Variants in COL4A6 observed in about 807,000 individuals in gnomAD.
COL4A6 encodes collagen alpha-6(IV) chain.
Under a neutral mutation model 126.7 loss-of-function variants are expected in COL4A6, and 59 were observed. The ratio of observed to expected loss-of-function variants is 0.47; its 90% CI spans 0.38 to 0.58. COL4A6 has a LOEUF of 0.58. Ranked by LOEUF, COL4A6 falls within the 20% of genes least tolerant of loss-of-function variation. The pLI is 0.00. For synonymous variants in COL4A6, 547 were observed against 496.6 expected, an observed-to-expected ratio of 1.10 and a Z score of -1.35; for missense variants, 1,285 against 1,337.3, an observed-to-expected ratio of 0.96 and a Z score of 0.61.
rs1265931277 is a variant in COL4A6 at position 108,296,578 on chromosome X, A to G, written c.144+14170T>C. ...ATATTGTTCTATTGAACAAAGCTCTATACAAAGGAGAACCAAGACAAAGTA... is the reference window on the plus strand; with the variant it reads ...ATATTGTTCTATTGAACAAAGCTCTGTACAAAGGAGAACCAAGACAAAGTA... On this transcript the variant is annotated intron_variant, in intron 3 of 44. Coordinates refer to ENST00000334504, the MANE Select transcript of COL4A6 (RefSeq NM_033641.4). Among the ~76,000 whole-genome samples the G allele has an allele frequency of 8.0e-5, 9 of 112,291 alleles. No homozygotes were observed. The East Asian group carries it at 1.7e-3, about 21-fold the overall frequency.
intron 2 of COL4A6, among the ~76,000 whole-genome samples, chrX:108,369,539 G>A (rs1441053197): frequency 8.9e-6 from 1 of 111,746 alleles, no homozygotes; most frequent in Non-Finnish European, 1.9e-5. Context: ...AACTATCACT[G>A]TACCTAGCAA....
intron 4 of COL4A6, among the ~76,000 whole-genome samples, chrX:108,220,687 C>T (rs1229855850): frequency 8.9e-6 from 1 of 112,694 alleles, no homozygotes; most frequent in Non-Finnish European, 1.9e-5. Flanking sequence ...ACCCACCTGA[C>T]TTCTTACCAC....
intron 2 of COL4A6, among the ~76,000 whole-genome samples, chrX:108,351,778 A>G (rs1431556661): frequency 9.0e-6 from 1 of 111,660 alleles, no homozygotes; most frequent in African/African-American, 3.3e-5. Flanking sequence ...TTTATGTGAA[A>G]AGAAAAAACA....
chrX:108,423,783 T>C (rs1444520427), intron 2 of COL4A6, among the ~76,000 whole-genome samples: 2 of 111,901 alleles, frequency 1.8e-5, no homozygotes, highest in Non-Finnish European at 3.8e-5. Context: ...CTAACATAGA[T>C]ATACTTACCA....
At chrX:108,340,181 T>C (rs1158987205) in intron 2 of COL4A6, among the ~76,000 whole-genome samples, 1 of 111,779 alleles carries the variant, frequency 8.9e-6, no homozygotes, top group Non-Finnish European at 1.9e-5. Flanking sequence ...GAGAGTTCAT[T>C]AGAATGTCTG....
chrX:108,352,028 A>G (rs1044131411), intron 2 of COL4A6, among the ~76,000 whole-genome samples: 4 of 112,578 alleles, frequency 3.6e-5, no homozygotes, highest in Non-Finnish European at 7.5e-5. Context: ...TCCCCGATCA[A>G]TGTGGCAAGG....
At chrX:108,170,089 G>A (rs1365835628) in intron 35 of COL4A6, 73 bp from the exon 36 acceptor site, 1 of 864,578 alleles carries the variant, frequency 1.2e-6, no homozygotes, top group Non-Finnish European at 1.7e-6. Flanking sequence ...GTAGCTACCT[G>A]CCCCCAAAGG....
At chrX:108,236,342 G>A (rs2036429339) in intron 3 of COL4A6, among the ~76,000 whole-genome samples, 2 of 111,243 alleles carry the variant, frequency 1.8e-5, no homozygotes, top group Non-Finnish European at 3.8e-5. Context: ...GTGAGGGGTT[G>A]TTACGGGGGT....
At position 108,438,022 on chromosome X, in the gene COL4A6, G is replaced by A. The variant is rs751290833; in HGVS notation, c.12-29C>T. Reference sequence around the variant, plus strand: ...AAATGGGAGGGAGGGTGAGTAATGGGCTCTCTAGGCTTCGGGGTCGTGCGT... The same window carrying A: ...AAATGGGAGGGAGGGTGAGTAATGGACTCTCTAGGCTTCGGGGTCGTGCGT... On this transcript the variant is annotated intron_variant, in intron 1 of 44. Transcript: ENST00000334504. The A allele has an allele frequency of 7.5e-6, 9 of 1,203,702 alleles. No homozygotes were observed. The South Asian group carries it at 8.9e-5, about 12-fold the overall frequency.
Position 108,304,972 on chromosome X carries a change from C to T in COL4A6, c.144+5776G>A, listed in dbSNP as rs143819877. On this transcript the variant is annotated intron_variant, in intron 3 of 44. Coordinates refer to ENST00000334504, the MANE Select transcript of COL4A6 (RefSeq NM_033641.4). Reference sequence around the variant, plus strand: ...CCACACCTATGCAAAATTGCTTGGTCAGTTGGTCAGTCTTTCATGAGACAG... The same window carrying T: ...CCACACCTATGCAAAATTGCTTGGTTAGTTGGTCAGTCTTTCATGAGACAG... 3.1e-3 allele frequency among the ~76,000 whole-genome samples: 343 copies of T among 112,116 alleles called. 1 individual carries two copies. The highest frequency in any genetic ancestry group is 0.011 in the African/African-American group (332 of 30,883).
In COL4A6 at chrX:108,383,747, A is replaced by T. The variant is rs753943744; in HGVS notation, c.63+54195T>A. 4 of 520,097 alleles carry T rather than the reference A, an allele frequency of 7.7e-6. No individual in the cohort carries two copies. The East Asian group carries it at 1.4e-4, about 18-fold the overall frequency. 42.9% of individuals were successfully genotyped at this position (520,097 alleles called of 1,213,427 possible). On this transcript the variant is annotated intron_variant, in intron 2 of 44. Coordinates refer to ENST00000334504, the MANE Select transcript of COL4A6 (RefSeq NM_033641.4). Reference sequence around the variant, plus strand: ...AAGGTATCAGTCACACTGTCTGGAAAAAAGAAAGTGAGTGGGTACATCAGG... The same window carrying T: ...AAGGTATCAGTCACACTGTCTGGAATAAAGAAAGTGAGTGGGTACATCAGG...
chrX:108,194,599 A>G lies in COL4A6; in HGVS notation c.949-12T>C. 8.3e-7 allele frequency: 1 copy of G among 1,205,484 alleles called. No individual in the cohort carries two copies. On this transcript the variant is annotated splice_polypyrimidine_tract_variant and intron_variant, in intron 15 of 44. Transcript: ENST00000334504. ...GTCCCTTTCTTGCCCTGTGACAGAA[A>G]CATAGTTACCACTAAGTGGAAAGTA...
chrX:108,188,420 TC>T, intron 21 of COL4A6, 96 bp downstream of exon 21: 1 of 869,584 alleles, frequency 1.1e-6, no homozygotes, highest in South Asian at 4.7e-5. Flanking sequence ...TTTAATCCCA[TC>T]TCTCTTGTAT....
chrX:108,300,229 G>A lies in COL4A6; in HGVS notation c.144+10519C>T, dbSNP rs772745057. ...CAATGGGGACACTGGTTTCCAAAGA[G>A]TTAGACAAATGTGAGGGAAAGGAGC... On this transcript the variant is annotated intron_variant, in intron 3 of 44. Coordinates refer to ENST00000334504, the MANE Select transcript of COL4A6 (RefSeq NM_033641.4). 3.6e-5 allele frequency among the ~76,000 whole-genome samples: 4 copies of A among 111,495 alleles called. No individual in the cohort carries two copies. The East Asian group carries it at 1.1e-3, about 31-fold the overall frequency.
Position 108,438,283 on chromosome X carries a change from G to A in COL4A6, c.-87C>T, listed in dbSNP as rs1224052560. 8.9e-7 allele frequency: 1 copy of A among 1,129,702 alleles called. No individual in the cohort carries two copies. The highest frequency in any genetic ancestry group is 1.8e-5 in the African/African-American group (1 of 54,392). 93.1% of individuals were successfully genotyped at this position (1,129,702 alleles called of 1,213,427 possible). A position where few individuals can be genotyped will look rare whatever the true frequency, so the allele number is the denominator to read the frequency against. On this transcript the variant is annotated 5_prime_UTR_variant, in exon 1 of 45. Transcript: ENST00000334504. The stretch of plus-strand genomic sequence containing the variant: ...CATCTGGGCTCTGCTGATGCTTGGA[G>A]GCTGTTTCCTTACTCAGAACAGAGT...
At position 108,205,703 on chromosome X, in the gene COL4A6, T is replaced by A; in HGVS notation, c.610-8A>T. The A allele has an allele frequency of 5.0e-6, 6 of 1,202,830 alleles. No homozygotes were observed. The highest frequency in any genetic ancestry group is 6.7e-6 in the Non-Finnish European group (6 of 889,752). On this transcript the variant is annotated splice_polypyrimidine_tract_variant and splice_region_variant and intron_variant, in intron 9 of 44. Transcript: ENST00000334504. The stretch of plus-strand genomic sequence containing the variant: ...AGGAGGCCCTGGAGGACCCTAGATT[T>A]TTTTTAAAAATAAGAAAGAGTTAGC...
At chrX:108,280,925 C>T (rs1355348057) in intron 3 of COL4A6, among the ~76,000 whole-genome samples, 24 of 111,593 alleles carry the variant, frequency 2.2e-4, no homozygotes, top group African/African-American at 7.8e-4. Context: ...GCAGAAAAGG[C>T]CTTTGACAAA....
At chrX:108,231,417 C>T (rs1251622421) in intron 3 of COL4A6, among the ~76,000 whole-genome samples, 1 of 112,456 alleles carries the variant, frequency 8.9e-6, no homozygotes, top group African/African-American at 3.2e-5. Flanking sequence ...TTTCTTCTAC[C>T]TGTTTACTGA....
intron 2 of COL4A6, among the ~76,000 whole-genome samples, chrX:108,428,461 A>G (rs762663809): frequency 1.8e-5 from 2 of 112,125 alleles, no homozygotes; most frequent in South Asian, 3.7e-4. Flanking sequence ...GCATGTTCAC[A>G]TACAGCATCC....
Sources: gnomAD v4.1 joint callset for allele counts (sites outside exome capture counted in the v4.1 genomes callset) on GRCh38, gnomAD v4.1.1 for gene constraint, MANE v1.5 for transcripts, NCBI Gene and HGNC (gene_info 2026-07-23, HGNC 2026-07-21) for gene names.